Variants in TPM1 observed in about 807,000 individuals in gnomAD.
TPM1 encodes the protein tropomyosin 1.
TPM1 carries 24 observed loss-of-function variants against 42.9 expected under a neutral mutation model. That is an observed-to-expected ratio of 0.56 (90% CI 0.41 to 0.79). The LOEUF (loss-of-function observed/expected upper bound fraction) is 0.79. Ranked by LOEUF, TPM1 falls within the 30% of genes least tolerant of loss-of-function variation. The probability of loss-of-function intolerance (pLI) is 0.00; values close to 1 mark genes in which losing one functional copy is unlikely to be tolerated. For synonymous variants in TPM1, 136 were observed against 130.1 expected (o/e 1.05, Z -0.31); for missense variants, 158 against 351.8 (o/e 0.45, Z 4.41).
chr15:63,062,600 G>A lies in TPM1; in HGVS notation c.727G>A (p.Glu243Lys). The change falls in exon 8 of 10, where the codon GAG becomes AAG. Residue 243 changes from glutamate to lysine, a missense_variant. Transcript: ENST00000403994. ...KEAETRAEFA[E>K]RSVTKLEKSI... ...GGCTGAGACTCGGGCTGAGTTTGCG[G>A]AGAGGTCAGTAACTAAATTGGAGAA... 6.2e-7 allele frequency: 1 copy of A among 1,614,230 alleles called. No homozygotes were observed. The highest frequency in any genetic ancestry group is 1.3e-5 in the African/African-American group (1 of 75,062).
chr15:63,062,356 T>A (rs2035752955), intron 7 of TPM1, 79 bp downstream of exon 7: 11 of 1,469,648 alleles, frequency 7.5e-6, no homozygotes, highest in Non-Finnish European at 8.6e-6. Context: ...GCCTTTTCAT[T>A]TTAAAGTTCC....
exon 9 of TPM1, chr15:63,071,326 A>G: frequency 1.2e-6 from 1 of 831,932 alleles, no homozygotes. Flanking sequence ...AAACACATAC[A>G]AAAAGGCAAG....
intron 2 of TPM1, among the ~76,000 whole-genome samples, chr15:63,053,998 C>G (rs1308273925): frequency 6.6e-6 from 1 of 151,724 alleles, no homozygotes; most frequent in Admixed American, 6.6e-5. Context: ...TTTTTTAATG[C>G]TCATCTCTGA....
intron 7 of TPM1, 140 bp from the exon 8 acceptor site, chr15:63,062,436 C>A: frequency 8.0e-7 from 1 of 1,255,704 alleles, no homozygotes. Flanking sequence ...CCATTTCTCA[C>A]AGAGGTGACT....
intron 2 of TPM1, chr15:63,044,771 G>T (rs1378280931): frequency 6.0e-6 from 1 of 167,670 alleles, no homozygotes; most frequent in Non-Finnish European, 1.3e-5. Context: ...GAAGGCACTA[G>T]ATCCAGAAAG....
downstream of TPM1, chr15:63,070,708 C>G: frequency 9.6e-7 from 1 of 1,046,946 alleles, no homozygotes; most frequent in Non-Finnish European, 1.2e-6. Context: ...ACTGCCTGTA[C>G]CTTGGAAATG....
At chr15:63,068,458 ATCCTCCCATG>A (rs2036408842), downstream of TPM1, among the ~76,000 whole-genome samples, 1 of 152,196 alleles carries the variant, frequency 6.6e-6, no homozygotes, top group African/African-American at 2.4e-5. Flanking sequence ...CGAGCATAGC[ATCCTCCCATG>A]TCCTACCATT....
intron 2 of TPM1, among the ~76,000 whole-genome samples, chr15:63,053,657 A>G (rs1246286848): frequency 1.4e-5 from 2 of 148,032 alleles, no homozygotes; most frequent in Non-Finnish European, 3.0e-5. Context: ...CTCTAGGGAC[A>G]CGGCCTGGAA....
intron 4 of TPM1, 123 bp from the exon 5 acceptor site, chr15:63,060,746 G>A (rs1476025454): frequency 5.7e-6 from 6 of 1,049,418 alleles, no homozygotes; most frequent in East Asian, 2.4e-5. Context: ...ACCAGAAAGA[G>A]GATCATATTG....
In TPM1 at chr15:63,064,149, G is replaced by A. The variant is rs765721221; in HGVS notation, c.851+7G>A. On this transcript the variant is annotated splice_region_variant and intron_variant, in intron 9 of 9. Transcript: ENST00000403994. ...TCAACGATATGACTTCCATGTAAAC[G>A]TTCATCCACTCTGCCTGCTTACACC... The A allele has an allele frequency of 1.2e-5, 20 of 1,613,082 alleles. No homozygotes were observed. Among genetic ancestry groups the A allele is most frequent in the Admixed American group, 3.3e-5 (2 of 59,902 alleles).
intron 4 of TPM1, among the ~76,000 whole-genome samples, chr15:63,060,640 A>C (rs2035484501): frequency 6.6e-6 from 1 of 152,172 alleles, no homozygotes. Flanking sequence ...TCCAATTGAG[A>C]CTGCCCAATC....
chr15:63,064,658 C>A, intron 9 of TPM1: 2 of 998,322 alleles, frequency 2.0e-6, no homozygotes, highest in Middle Eastern at 5.2e-4. Context: ...AAGATCATCT[C>A]TTTTACTTTT....
chr15:63,044,560 G>A, intron 2 of TPM1: 1 of 429,840 alleles, frequency 2.3e-6, no homozygotes, highest in Non-Finnish European at 4.2e-6. Flanking sequence ...GGAAGTTCTG[G>A]GTTTGGTGGT....
intron 9 of TPM1, chr15:63,065,397 A>G (rs2036164588): frequency 1.2e-5 from 12 of 996,720 alleles, no homozygotes; most frequent in African/African-American, 5.2e-5. Flanking sequence ...TGGTAACTTG[A>G]AGAGAGTGGC....
intron 2 of TPM1, among the ~76,000 whole-genome samples, chr15:63,051,611 A>G (rs1024290177): frequency 6.6e-6 from 1 of 152,092 alleles, no homozygotes; most frequent in Non-Finnish European, 1.5e-5. Flanking sequence ...GGCCTTACAC[A>G]GCAAGTTGGG....
intron 2 of TPM1, chr15:63,044,374 C>T (rs1420915258): frequency 2.8e-6 from 2 of 709,278 alleles, no homozygotes; most frequent in East Asian, 5.4e-5. Context: ...CTTTACCTCC[C>T]TGGGGGTGGA....
At chr15:63,045,067 C>A (rs2032091884) in intron 2 of TPM1, 1 of 151,896 alleles carries the variant, frequency 6.6e-6, no homozygotes, top group East Asian at 1.9e-4. Context: ...CCTAGAGGCC[C>A]AATTAGAAAA....
At chr15:63,062,485 T>A in intron 7 of TPM1, 91 bp from the exon 8 acceptor site, 1 of 1,458,660 alleles carries the variant, frequency 6.9e-7, no homozygotes, top group Non-Finnish European at 9.6e-7. Context: ...TTATAGGTGA[T>A]GTGCTTCATT....
intron 3 of TPM1, among the ~76,000 whole-genome samples, chr15:63,058,933 C>T (rs970882698): frequency 1.4e-4 from 21 of 152,252 alleles, no homozygotes; most frequent in African/African-American, 4.6e-4. Flanking sequence ...TGTCTCCCAG[C>T]ATTGCTGTCA....
Sources: allele counts gnomAD v4.1 joint callset (sites outside exome capture counted in the v4.1 genomes callset), GRCh38; gene constraint gnomAD v4.1.1; transcripts MANE v1.5; gene names NCBI Gene and HGNC (gene_info 2026-07-23, HGNC 2026-07-21).